The following MATCAP2 variants were observed in gnomAD, a reference collection of about 807,000 sequenced individuals.
MATCAP2 encodes microtubule associated tyrosine carboxypeptidase 2, also known as putative tyrosine carboxypeptidase MATCAP2.
At chr7:36,363,705 C>T in the MATCAP2 span, among the ~76,000 whole-genome samples, 1 of 152,068 alleles carries the variant, frequency 6.6e-6, no homozygotes. Context: ...TAGCTATTAC[C>T]CTGACCAAGT....
At chr7:36,356,666 T>C in the MATCAP2 span, 1 of 585,142 alleles carries the variant, frequency 1.7e-6, no homozygotes, top group East Asian at 2.8e-5. Context: ...CTTCCTAATA[T>C]AATTGCTTCC....
chr7:36,326,548 T>C, the MATCAP2 span: 2 of 363,810 alleles, frequency 5.5e-6, no homozygotes, highest in Non-Finnish European at 9.8e-6. Context: ...ATTCAGAAAA[T>C]AGGAATAACT....
chr7:36,377,835 C>T, the MATCAP2 span, among the ~76,000 whole-genome samples: 1 of 152,178 alleles, frequency 6.6e-6, no homozygotes, highest in African/African-American at 2.4e-5. Context: ...TCTCTTCTCA[C>T]TTCATTTCAT....
the MATCAP2 span, among the ~76,000 whole-genome samples, chr7:36,330,070 ATTTT>A: frequency 7.5e-5 from 3 of 40,024 alleles, no homozygotes; most frequent in Non-Finnish European, 1.0e-4. Context: ...ATTTTATTTT[ATTTT>A]ATTTATTTAT....
chr7:36,341,820 G>T, the MATCAP2 span, among the ~76,000 whole-genome samples: 11 of 152,228 alleles, frequency 7.2e-5, no homozygotes, highest in African/African-American at 2.6e-4. Flanking sequence ...CTAGCAAGAG[G>T]GTTCTCATCA....
the MATCAP2 span, chr7:36,357,470 A>C: frequency 6.2e-7 from 1 of 1,614,102 alleles, no homozygotes; most frequent in Non-Finnish European, 8.5e-7. Context: ...AGTTGTGAAA[A>C]TGTCTTTTAG....
the MATCAP2 span, among the ~76,000 whole-genome samples, chr7:36,347,847 T>A: frequency 1.5e-4 from 23 of 152,144 alleles, no homozygotes; most frequent in African/African-American, 4.6e-4. Context: ...AATCTAAAAC[T>A]TCCCCCCCAA....
the MATCAP2 span, among the ~76,000 whole-genome samples, chr7:36,372,541 A>G: frequency 2.0e-5 from 3 of 152,254 alleles, no homozygotes; most frequent in Non-Finnish European, 4.4e-5. Flanking sequence ...CAATGAAAAT[A>G]GAACAGCACA....
At chr7:36,365,614 G>A in the MATCAP2 span, among the ~76,000 whole-genome samples, 9 of 152,100 alleles carry the variant, frequency 5.9e-5, no homozygotes, top group African/African-American at 2.2e-4. Flanking sequence ...CAGGAGAATC[G>A]CTTGAACCTG....
the MATCAP2 span, among the ~76,000 whole-genome samples, chr7:36,369,261 T>C: frequency 4.6e-5 from 7 of 152,234 alleles, no homozygotes; most frequent in Non-Finnish European, 5.9e-5. Context: ...AATGGACCAA[T>C]AGACGAAGAA....
the MATCAP2 span, chr7:36,334,280 T>A: frequency 1.3e-6 from 1 of 788,136 alleles, no homozygotes; most frequent in South Asian, 1.8e-5. Flanking sequence ...CTCATGCCTG[T>A]AATCCCAGCA....
the MATCAP2 span, among the ~76,000 whole-genome samples, chr7:36,348,539 T>A: frequency 6.6e-6 from 1 of 152,210 alleles, no homozygotes; most frequent in Admixed American, 6.5e-5. Context: ...TACAAAGTAT[T>A]TCACTACATT....
At chr7:36,331,010 T>A in the MATCAP2 span, 1 of 1,613,290 alleles carries the variant, frequency 6.2e-7, no homozygotes, top group South Asian at 1.1e-5. Flanking sequence ...CAGATGGAAG[T>A]CTATGGTATC....
At chr7:36,384,540 C>T in the MATCAP2 span, among the ~76,000 whole-genome samples, 1 of 152,188 alleles carries the variant, frequency 6.6e-6, no homozygotes, top group African/African-American at 2.4e-5. Flanking sequence ...CCTGCACTGC[C>T]ACAGCTTACA....
chr7:36,355,320 C>T, the MATCAP2 span: 1 of 152,194 alleles, frequency 6.6e-6, no homozygotes, highest in Admixed American at 6.5e-5. Context: ...TTTCTTTACT[C>T]CATTTTACAA....
chr7:36,371,805 G>A, the MATCAP2 span, among the ~76,000 whole-genome samples: 1 of 152,082 alleles, frequency 6.6e-6, no homozygotes, highest in African/African-American at 2.4e-5. Flanking sequence ...CTGTTGCCCA[G>A]GCTGGAGTGC....
chr7:36,340,670 G>A, the MATCAP2 span, among the ~76,000 whole-genome samples: 1 of 152,160 alleles, frequency 6.6e-6, no homozygotes, highest in Non-Finnish European at 1.5e-5. Context: ...TCAGTGATCT[G>A]CAGCATCCTT....
At chr7:36,383,811 A>C in the MATCAP2 span, 1 of 1,236,324 alleles carries the variant, frequency 8.1e-7, no homozygotes, top group Non-Finnish European at 1.2e-6. Flanking sequence ...TTAAAGTATA[A>C]TAATAATTTT....
the MATCAP2 span, chr7:36,334,953 A>C: frequency 5.0e-6 from 6 of 1,204,338 alleles, no homozygotes; most frequent in Non-Finnish European, 6.9e-6. Flanking sequence ...AAATAAAATA[A>C]ATACTACTAA....
Sources: allele counts gnomAD v4.1 joint callset (sites outside exome capture counted in the v4.1 genomes callset), GRCh38; gene constraint gnomAD v4.1.1; transcripts MANE v1.5; gene names NCBI Gene and HGNC (gene_info 2026-07-23, HGNC 2026-07-21).